The following CSMD1 variants were observed in gnomAD, a reference collection of about 807,000 sequenced individuals.
CSMD1 encodes the protein CUB and Sushi multiple domains 1.
Under a neutral mutation model 417.5 loss-of-function variants are expected in CSMD1, and 213 were observed. That is an observed-to-expected ratio of 0.51 (90% CI 0.46 to 0.57). The LOEUF is 0.57. Among genes scored for constraint, CSMD1 ranks in the 20% least tolerant of loss-of-function variants. CSMD1 has a pLI of 0.00. For synonymous variants in CSMD1, 2,862 were observed against 1,736.8 expected (o/e 1.65, Z -16.11); for missense variants, 6,923 against 4,529.7 (o/e 1.53, Z -15.17).
At chr8:3,525,374 C>G (rs1797711084) in intron 10 of CSMD1, among the ~76,000 whole-genome samples, 1 of 152,110 alleles carries the variant, frequency 6.6e-6, no homozygotes, top group Admixed American at 6.6e-5. Context: ...GATCAAAATT[C>G]TAAGGTGGAT....
intron 10 of CSMD1, among the ~76,000 whole-genome samples, chr8:3,562,896 G>C (rs1241488695): frequency 2.0e-5 from 3 of 151,546 alleles, no homozygotes; most frequent in Admixed American, 2.0e-4. Context: ...TAACAAACCT[G>C]CACATGTACC....
chr8:4,991,249 C>G (rs1461177501), intron 1 of CSMD1, among the ~76,000 whole-genome samples: 1 of 152,204 alleles, frequency 6.6e-6, no homozygotes, highest in Non-Finnish European at 1.5e-5. Flanking sequence ...CTCCTTTTCC[C>G]CTGGTCCCTG....
intron 7 of CSMD1, among the ~76,000 whole-genome samples, chr8:3,680,178 CTCAGA>C (rs971751255): frequency 1.6e-4 from 25 of 152,008 alleles, no homozygotes; most frequent in African/African-American, 5.3e-4. Flanking sequence ...CAAGAAACAA[CTCAGA>C]TCAGAGCAGA....
At chr8:4,205,563 G>A (rs967957116) in intron 3 of CSMD1, among the ~76,000 whole-genome samples, 8 of 152,170 alleles carry the variant, frequency 5.3e-5, no homozygotes, top group Non-Finnish European at 1.0e-4. Flanking sequence ...GGAACTCACT[G>A]AAGTGACACA....
rs1801508195 is a variant in CSMD1 at position 2,936,654 on chromosome 8, A to G, written c.*1931T>C. On this transcript the variant is annotated 3_prime_UTR_variant, in exon 70 of 70. Coordinates refer to ENST00000635120, the MANE Select transcript of CSMD1 (RefSeq NM_033225.6). ...AGAATCCAACAGCGTGGGGTTCACA[A>G]GACAAAGGAGTCCCTAGGAGAGGCC... 1 of 152,242 alleles carries G rather than the reference A, an allele frequency of 6.6e-6. No homozygotes were observed. The highest frequency in any genetic ancestry group is 2.4e-5 in the African/African-American group (1 of 41,456). The allele number at this position is 152,242 out of a possible 1,614,324, so 9.4% of individuals were successfully genotyped here. A position where few individuals can be genotyped will look rare whatever the true frequency, so the allele number is the denominator to read the frequency against.
intron 12 of CSMD1, among the ~76,000 whole-genome samples, chr8:3,417,380 G>A (rs963177650): frequency 9.2e-5 from 14 of 152,108 alleles, no homozygotes; most frequent in Non-Finnish European, 1.5e-4. Context: ...TCCCAAAATA[G>A]CAGACCAAAA....
At chr8:3,993,069 A>G (rs1814882104) in intron 5 of CSMD1, among the ~76,000 whole-genome samples, 1 of 152,250 alleles carries the variant, frequency 6.6e-6, no homozygotes, top group South Asian at 2.1e-4. Flanking sequence ...TAGAAAAGGC[A>G]GAGGAAATCA....
intron 23 of CSMD1, among the ~76,000 whole-genome samples, chr8:3,318,742 G>T (rs1466662839): frequency 1.3e-5 from 2 of 152,180 alleles, no homozygotes; most frequent in African/African-American, 4.8e-5. Context: ...GGAGTGTCAC[G>T]GTTCCTTCTG....
At chr8:4,684,375 G>A (rs1277870922) in intron 1 of CSMD1, among the ~76,000 whole-genome samples, 1 of 152,184 alleles carries the variant, frequency 6.6e-6, no homozygotes, top group Non-Finnish European at 1.5e-5. Context: ...ACTCTATGAA[G>A]AAACTTACTC....
chr8:4,608,081 G>T (rs1283691577), intron 2 of CSMD1, among the ~76,000 whole-genome samples: 2 of 152,246 alleles, frequency 1.3e-5, no homozygotes, highest in East Asian at 3.9e-4. Flanking sequence ...GATGGTGCTT[G>T]GTGTATTCGA....
intron 2 of CSMD1, among the ~76,000 whole-genome samples, chr8:4,479,684 A>G (rs550616694): frequency 6.6e-6 from 1 of 152,200 alleles, no homozygotes; most frequent in Admixed American, 6.5e-5. Context: ...CCACGAGGTC[A>G]GGAGAGAGAG....
chr8:2,975,739 C>T (rs994372696), intron 55 of CSMD1, among the ~76,000 whole-genome samples: 1 of 152,140 alleles, frequency 6.6e-6, no homozygotes, highest in Non-Finnish European at 1.5e-5. Context: ...CAAAATCAGA[C>T]ATGGAGCTCA....
intron 59 of CSMD1, among the ~76,000 whole-genome samples, chr8:2,964,009 G>T (rs1327635527): frequency 1.3e-5 from 2 of 152,152 alleles, no homozygotes; most frequent in African/African-American, 4.8e-5. Flanking sequence ...TTCCCCGAGG[G>T]TGATGTCACG....
chr8:4,189,216 T>C lies in CSMD1; in HGVS notation c.416-157117A>G, dbSNP rs911040069. ...AGCTATGCAAACTCATGTGTGTTTA[T>C]GCCCCAGGACCCATAACAGATCTAA... On this transcript the variant is annotated intron_variant, in intron 3 of 69. Coordinates refer to ENST00000635120, the MANE Select transcript of CSMD1 (RefSeq NM_033225.6). Among the ~76,000 whole-genome samples the C allele has an allele frequency of 2.0e-5, 3 of 152,242 alleles. 1 individual carries two copies. The highest frequency in any genetic ancestry group is 2.0e-4 in the Admixed American group (3 of 15,288).
intron 3 of CSMD1, among the ~76,000 whole-genome samples, chr8:4,088,648 T>C (rs1800549073): frequency 6.6e-6 from 1 of 152,132 alleles, no homozygotes; most frequent in Non-Finnish European, 1.5e-5. Flanking sequence ...AAGCCCAAAG[T>C]CATTGTCTTC....
chr8:3,389,636 ATGGTTTTAATAAGT>A (rs1374147658), intron 17 of CSMD1, among the ~76,000 whole-genome samples: 8 of 43,600 alleles, frequency 1.8e-4, no homozygotes, highest in Non-Finnish European at 2.7e-4. Flanking sequence ...TTATATATTA[ATGGTTTTAATAAGT>A]GAGGATTATA....
chr8:4,897,984 A>C (rs1295141308), intron 1 of CSMD1, among the ~76,000 whole-genome samples: 1 of 152,132 alleles, frequency 6.6e-6, no homozygotes, highest in Non-Finnish European at 1.5e-5. Context: ...ATCCCGGGCT[A>C]CTTTCTTTTA....
intron 3 of CSMD1, among the ~76,000 whole-genome samples, chr8:4,295,654 A>G (rs1797634530): frequency 6.9e-6 from 1 of 145,138 alleles, no homozygotes; most frequent in Admixed American, 7.0e-5. Flanking sequence ...ATATAAAAAT[A>G]TAATCTTAAG....
At chr8:3,362,861 G>A (rs1317127041) in intron 20 of CSMD1, among the ~76,000 whole-genome samples, 3 of 152,090 alleles carry the variant, frequency 2.0e-5, no homozygotes, top group African/African-American at 7.2e-5. Context: ...CTTCCATCTT[G>A]CATCTCTTGC....
Sources: gnomAD v4.1 joint callset for allele counts (sites outside exome capture counted in the v4.1 genomes callset) on GRCh38, gnomAD v4.1.1 for gene constraint, MANE v1.5 for transcripts, NCBI Gene and HGNC (gene_info 2026-07-23, HGNC 2026-07-21) for gene names.